GALNTL6: variants seen among roughly 807,000 people sequenced by gnomAD.
The protein encoded by GALNTL6 is polypeptide N-acetylgalactosaminyltransferase-like 6.
A neutral mutation model predicts 73.7 loss-of-function variants in GALNTL6; 46 were observed. The observed-to-expected ratio is 0.62, with a 90% confidence interval of 0.49 to 0.80. The LOEUF (loss-of-function observed/expected upper bound fraction) is 0.80. GALNTL6 is among the 30% of genes least tolerant of loss of function. The pLI is 0.00. For missense variants in GALNTL6, 604 were observed against 755.0 expected (o/e 0.80, Z 2.34); for synonymous variants, 259 against 263.7 (o/e 0.98, Z 0.17).
intron 2 of GALNTL6, among the ~76,000 whole-genome samples, chr4:171,874,337 G>A (rs928331758): frequency 5.9e-5 from 9 of 152,060 alleles, no homozygotes; most frequent in African/African-American, 1.9e-4. Context: ...TTACAGGCAT[G>A]CCCCACCATG....
chr4:172,399,606 A>T (rs1249458180), intron 5 of GALNTL6, among the ~76,000 whole-genome samples: 1 of 152,146 alleles, frequency 6.6e-6, no homozygotes, highest in Non-Finnish European at 1.5e-5. Context: ...TTTATTGGTT[A>T]AAGTATTGTT....
At chr4:172,204,849 A>C (rs1736057719) in intron 2 of GALNTL6, among the ~76,000 whole-genome samples, 1 of 152,208 alleles carries the variant, frequency 6.6e-6, no homozygotes, top group African/African-American at 2.4e-5. Context: ...GTTAATAACT[A>C]TCTTAATTTA....
intron 11 of GALNTL6, among the ~76,000 whole-genome samples, chr4:173,015,138 T>C (rs770206127): frequency 5.9e-5 from 9 of 152,234 alleles, no homozygotes; most frequent in Non-Finnish European, 1.2e-4. Context: ...GTAAGTTTCC[T>C]GAGGCCTTCC....
At chr4:172,564,152 C>T (rs532244630) in intron 5 of GALNTL6, among the ~76,000 whole-genome samples, 2 of 152,196 alleles carry the variant, frequency 1.3e-5, no homozygotes, top group East Asian at 1.9e-4. Flanking sequence ...AAGAAAATTC[C>T]GTAGCTCTAT....
intron 5 of GALNTL6, among the ~76,000 whole-genome samples, chr4:172,624,556 A>T (rs1739082652): frequency 6.6e-6 from 1 of 152,094 alleles, no homozygotes; most frequent in African/African-American, 2.4e-5. Context: ...TCTGAAATCC[A>T]TGGAGTCTAA....
intron 2 of GALNTL6, among the ~76,000 whole-genome samples, chr4:172,089,759 T>C (rs1054704857): frequency 6.6e-6 from 1 of 152,204 alleles, no homozygotes; most frequent in Non-Finnish European, 1.5e-5. Flanking sequence ...AGTGCAGGTT[T>C]GGTACATAGG....
chr4:172,218,050 A>C (rs1414170699), intron 2 of GALNTL6, among the ~76,000 whole-genome samples: 1 of 152,062 alleles, frequency 6.6e-6, no homozygotes, highest in Non-Finnish European at 1.5e-5. Flanking sequence ...CCCTATTACT[A>C]TGATGGGAAG....
intron 5 of GALNTL6, among the ~76,000 whole-genome samples, chr4:172,791,476 T>C (rs1387559016): frequency 2.0e-5 from 3 of 152,162 alleles, no homozygotes; most frequent in Non-Finnish European, 2.9e-5. Flanking sequence ...TTTATAACTT[T>C]AAAATAATCA....
intron 10 of GALNTL6, among the ~76,000 whole-genome samples, chr4:172,971,564 C>A (rs923423957): frequency 3.4e-4 from 51 of 152,222 alleles, no homozygotes; most frequent in African/African-American, 1.2e-3. Flanking sequence ...TGCTGATTGT[C>A]GCATAGGCAT....
At position 172,952,094 on chromosome 4, in the gene GALNTL6, C is replaced by G. The variant is rs757975655; in HGVS notation, c.1207C>G (p.Arg403Gly). Residue 403 changes from arginine to glycine, a missense_variant, in exon 10 of 13, where the codon CGG becomes GGG. By Grantham distance (125) the Arg-to-Gly change is moderately radical. This residue lies in a region of GALNTL6 where 261 missense variants were observed against 296.5 expected (regional missense o/e 0.88). Coordinates refer to ENST00000506823, the MANE Select transcript of GALNTL6 (RefSeq NM_001034845.3). The part of the protein sequence containing the change: ...MDEFAEYIYQ[R>G]RPEYRHLSTG... ...TGAATTTGCCGAGTACATTTACCAG[C>G]GGCGGCCGGAGTACAGGCATCTCTC... The G allele has an allele frequency of 1.2e-6, 2 of 1,613,988 alleles. No homozygotes were observed. The highest frequency in any genetic ancestry group is 1.7e-6 in the Non-Finnish European group (2 of 1,180,000).
intron 2 of GALNTL6, among the ~76,000 whole-genome samples, chr4:172,058,922 C>T (rs1731110976): frequency 6.6e-6 from 1 of 152,146 alleles, no homozygotes; most frequent in South Asian, 2.1e-4. Context: ...ACTATTTTTA[C>T]ATCCCAGCCA....
intron 5 of GALNTL6, among the ~76,000 whole-genome samples, chr4:172,619,295 C>G (rs965517772): frequency 6.6e-6 from 1 of 152,258 alleles, no homozygotes; most frequent in African/African-American, 2.4e-5. Flanking sequence ...ACTTCTGAAT[C>G]ATGTCTGAAA....
At chr4:172,721,236 C>G (rs1304927898) in intron 5 of GALNTL6, among the ~76,000 whole-genome samples, 3 of 152,078 alleles carry the variant, frequency 2.0e-5, no homozygotes, top group African/African-American at 7.2e-5. Flanking sequence ...ATTTTATTTT[C>G]AGCACATCTT....
chr4:173,033,110 G>A (rs536310406), intron 12 of GALNTL6, among the ~76,000 whole-genome samples: 3 of 152,052 alleles, frequency 2.0e-5, no homozygotes, highest in Admixed American at 6.5e-5. Flanking sequence ...AAGTGATTCT[G>A]GTGCCTCAGC....
chr4:172,851,049 GC>G (rs1743788074), intron 7 of GALNTL6, among the ~76,000 whole-genome samples: 1 of 151,990 alleles, frequency 6.6e-6, no homozygotes, highest in Non-Finnish European at 1.5e-5. Flanking sequence ...TCAATTTCCA[GC>G]CCCCCTTCCT....
chr4:172,912,472 G>T (rs1479413575), intron 8 of GALNTL6, among the ~76,000 whole-genome samples: 2 of 152,224 alleles, frequency 1.3e-5, no homozygotes, highest in Non-Finnish European at 2.9e-5. Context: ...CTAGACAAGG[G>T]AAGCCATGAC....
intron 7 of GALNTL6, among the ~76,000 whole-genome samples, chr4:172,875,580 G>C (rs1176192310): frequency 6.6e-6 from 1 of 152,042 alleles, no homozygotes; most frequent in Non-Finnish European, 1.5e-5. Context: ...GAGTGTGGGT[G>C]ACCCCAGCAG....
At chr4:172,944,677 G>T (rs780254686) in intron 9 of GALNTL6, among the ~76,000 whole-genome samples, 6 of 152,174 alleles carry the variant, frequency 3.9e-5, no homozygotes, top group Non-Finnish European at 5.9e-5. Context: ...AGCTTTATTT[G>T]TAATAGCCCC....
At chr4:172,048,222 A>G (rs964917932) in intron 2 of GALNTL6, among the ~76,000 whole-genome samples, 1 of 152,132 alleles carries the variant, frequency 6.6e-6, no homozygotes, top group African/African-American at 2.4e-5. Context: ...GAACAATAAC[A>G]TTTTGCTATA....
Sources: allele counts gnomAD v4.1 joint callset (sites outside exome capture counted in the v4.1 genomes callset), GRCh38; gene constraint gnomAD v4.1.1; regional missense constraint gnomAD v4.1.1; transcripts MANE v1.5; gene names NCBI Gene and HGNC (gene_info 2026-07-23, HGNC 2026-07-21).